The following SLC22A15 variants were observed in gnomAD, a reference collection of about 807,000 sequenced individuals.
The protein encoded by SLC22A15 is solute carrier family 22 member 15.
In SLC22A15, 45 loss-of-function variants were observed where a neutral mutation model predicts 62.7. The observed-to-expected ratio is 0.72, with a 90% CI of 0.56 to 0.92. The LOEUF (loss-of-function observed/expected upper bound fraction) is 0.92, where lower values mean the gene tolerates loss of function less well. Among genes scored for constraint, SLC22A15 ranks in the 40% least tolerant of loss-of-function variants. The pLI is 0.00. For synonymous variants in SLC22A15, 264 were observed against 267.0 expected (o/e 0.99, Z 0.11); for missense variants, 622 against 665.6 (o/e 0.93, Z 0.72).
Position 116,069,161 on chromosome 1 carries a change from T to G in SLC22A15, c.*2053T>G, listed in dbSNP as rs1406602740. The G allele has an allele frequency of 6.6e-6, 1 of 152,118 alleles. No individual in the cohort carries two copies. The highest frequency in any genetic ancestry group is 1.5e-5 in the Non-Finnish European group (1 of 68,038). 9.4% of individuals were successfully genotyped at this position (152,118 alleles called of 1,614,324 possible). A position where few individuals can be genotyped will look rare whatever the true frequency, so the allele number is the denominator to read the frequency against. On this transcript the variant is annotated 3_prime_UTR_variant, in exon 12 of 12. Coordinates refer to ENST00000369503, the MANE Select transcript of SLC22A15 (RefSeq NM_018420.3). ...TGGGGTGGAAGATAGGAGGGGGAGATCTACAATTTGAATATGTGTTACTTA... is the reference window on the plus strand; with the variant it reads ...TGGGGTGGAAGATAGGAGGGGGAGAGCTACAATTTGAATATGTGTTACTTA...
intron 8 of SLC22A15, among the ~76,000 whole-genome samples, chr1:116,053,352 G>GA (rs1658113849): frequency 6.6e-6 from 1 of 152,060 alleles, no homozygotes; most frequent in African/African-American, 2.4e-5. Flanking sequence ...GAAGTTTAGA[G>GA]AAAAAAGAAT....
intron 1 of SLC22A15, among the ~76,000 whole-genome samples, chr1:115,983,786 C>T (rs930436443): frequency 2.0e-5 from 3 of 152,162 alleles, no homozygotes; most frequent in African/African-American, 7.2e-5. Flanking sequence ...GTGGTTGCAG[C>T]CTCGTGACTG....
intron 2 of SLC22A15, among the ~76,000 whole-genome samples, chr1:116,001,452 A>G (rs1488894343): frequency 2.0e-5 from 3 of 152,100 alleles, no homozygotes; most frequent in Non-Finnish European, 4.4e-5. Context: ...CTTCCTCTTT[A>G]AGGGAAATAA....
chr1:115,991,995 T>C (rs770176927), intron 1 of SLC22A15, 36 bp from the exon 2 acceptor site: 1 of 1,570,632 alleles, frequency 6.4e-7, no homozygotes, highest in Non-Finnish European at 8.8e-7. Flanking sequence ...ATGGCAAATA[T>C]CTGCAGTGTT....
At chr1:115,994,028 G>A (rs1655295123) in intron 2 of SLC22A15, among the ~76,000 whole-genome samples, 1 of 152,098 alleles carries the variant, frequency 6.6e-6, no homozygotes, top group Admixed American at 6.6e-5. Flanking sequence ...CTCCCCAGGA[G>A]AAAATACGCT....
chr1:116,005,716 G>T (rs1444261963), intron 2 of SLC22A15, among the ~76,000 whole-genome samples: 1 of 152,136 alleles, frequency 6.6e-6, no homozygotes, highest in African/African-American at 2.4e-5. Context: ...GCATCAGGGA[G>T]AAAGAAGCTT....
intron 2 of SLC22A15, among the ~76,000 whole-genome samples, chr1:115,992,624 CTT>C (rs11378927): frequency 5.1e-5 from 7 of 137,466 alleles, no homozygotes; most frequent in East Asian, 2.1e-4. Flanking sequence ...TTTTTCTTTT[CTT>C]TTTTTTTTTT....
At chr1:116,061,256 G>T (rs1312221078) in intron 8 of SLC22A15, among the ~76,000 whole-genome samples, 2 of 152,184 alleles carry the variant, frequency 1.3e-5, no homozygotes, top group Non-Finnish European at 2.9e-5. Flanking sequence ...AGTGTCTGAG[G>T]CACGCCAGTT....
At chr1:115,991,958 C>T in intron 1 of SLC22A15, 73 bp from the exon 2 acceptor site, 1 of 1,306,962 alleles carries the variant, frequency 7.7e-7, no homozygotes, top group South Asian at 1.3e-5. Flanking sequence ...TCAAGGTTTG[C>T]AAGCCTGCTA....
chr1:116,048,898 G>T (rs1193544724), intron 8 of SLC22A15, among the ~76,000 whole-genome samples: 2 of 152,170 alleles, frequency 1.3e-5, no homozygotes, highest in Admixed American at 1.3e-4. Flanking sequence ...AAGGTAAAGG[G>T]GTGGAAAAAG....
chr1:116,020,695 T>A, intron 3 of SLC22A15, 26 bp from the exon 4 acceptor site: 2 of 1,575,650 alleles, frequency 1.3e-6, no homozygotes, highest in Non-Finnish European at 1.7e-6. Flanking sequence ...GCCTCTGGAT[T>A]ATTGAATATT....
intron 8 of SLC22A15, among the ~76,000 whole-genome samples, chr1:116,047,959 A>T (rs547896882): frequency 6.6e-5 from 10 of 152,158 alleles, no homozygotes; most frequent in Non-Finnish European, 1.2e-4. Flanking sequence ...CAGCTATAGA[A>T]TTGAACAAGC....
intron 2 of SLC22A15, among the ~76,000 whole-genome samples, chr1:115,998,803 ATTTCT>A (rs1198355015): frequency 1.3e-5 from 2 of 150,974 alleles, no homozygotes; most frequent in African/African-American, 4.9e-5. Context: ...CATCTTTATT[ATTTCT>A]TTTCTTCTAC....
intron 2 of SLC22A15, among the ~76,000 whole-genome samples, chr1:115,999,730 T>C (rs1655625238): frequency 6.6e-6 from 1 of 152,068 alleles, no homozygotes; most frequent in East Asian, 1.9e-4. Flanking sequence ...TCTTGAACTC[T>C]TGAGCTCAGG....
chr1:116,032,710 A>T (rs1442022669), intron 6 of SLC22A15: 1 of 922,884 alleles, frequency 1.1e-6, no homozygotes, highest in Admixed American at 6.2e-5. Flanking sequence ...AGGCATGGAG[A>T]TTAAGAAAAC....
At chr1:116,033,583 G>A (rs4397655) in intron 6 of SLC22A15, among the ~76,000 whole-genome samples, 89 of 145,716 alleles carry the variant, frequency 6.1e-4, no homozygotes, top group East Asian at 1.6e-3. Context: ...GTGTGTGTGT[G>A]TGTGTATGTG....
chr1:116,010,925 C>T (rs1255732483), intron 2 of SLC22A15, among the ~76,000 whole-genome samples: 3 of 152,202 alleles, frequency 2.0e-5, no homozygotes, highest in African/African-American at 7.2e-5. Flanking sequence ...TAGGCACGGG[C>T]CCAGTCTTGT....
chr1:115,996,254 G>C (rs1490240386), intron 2 of SLC22A15, among the ~76,000 whole-genome samples: 1 of 152,206 alleles, frequency 6.6e-6, no homozygotes, highest in Non-Finnish European at 1.5e-5. Flanking sequence ...GAATGGGATA[G>C]ATTGCCGCTT....
At position 115,988,670 on chromosome 1, in the gene SLC22A15, G is replaced by A. The variant is rs1655000346; in HGVS notation, c.88-3361G>A. 1.4e-5 allele frequency among the ~76,000 whole-genome samples: 2 copies of A among 147,612 alleles called. 1 individual carries two copies. Among genetic ancestry groups the A allele is most frequent in the African/African-American group, 5.0e-5 (2 of 39,952 alleles). On this transcript the variant is annotated intron_variant, in intron 1 of 11. Transcript: ENST00000369503. The stretch of plus-strand genomic sequence containing the variant: ...CAAGTAGCTGGGATTACAGGCATGT[G>A]CCACCATGCCCAGCTAATTTTTTTT...
Sources: gnomAD v4.1 joint callset for allele counts (sites outside exome capture counted in the v4.1 genomes callset) on GRCh38, gnomAD v4.1.1 for gene constraint, MANE v1.5 for transcripts, NCBI Gene and HGNC (gene_info 2026-07-23, HGNC 2026-07-21) for gene names.